PLS3: variants seen among roughly 807,000 people sequenced by gnomAD.
PLS3 encodes the protein plastin 3, also known as plastin-3.
Under a neutral mutation model 46.5 loss-of-function variants are expected in PLS3, and 11 were observed. The ratio of observed to expected loss-of-function variants is 0.24; its 90% CI spans 0.15 to 0.39. PLS3 has a LOEUF of 0.39. Among genes scored for constraint, PLS3 ranks in the 10% least tolerant of loss-of-function variants. The pLI is 1.00. For synonymous variants in PLS3, 167 were observed against 162.2 expected, an observed-to-expected ratio of 1.03 and a Z score of -0.22; for missense variants, 308 against 461.8, an observed-to-expected ratio of 0.67 and a Z score of 3.05.
At chrX:115,624,090 G>A (rs782032948) in intron 3 of PLS3, among the ~76,000 whole-genome samples, 1 of 109,878 alleles carries the variant, frequency 9.1e-6, no homozygotes, top group Non-Finnish European at 1.9e-5. Context: ...CTATCTGGGC[G>A]TGGTGGTGCG....
intron 1 of PLS3, among the ~76,000 whole-genome samples, chrX:115,598,620 AAAAAAT>A (rs1556634168): frequency 8.9e-6 from 1 of 112,440 alleles, no homozygotes; most frequent in East Asian, 2.8e-4. Flanking sequence ...ATCTTGAAAG[AAAAAAT>A]TTTTAAATGA....
Position 115,629,291 on chromosome X carries a change from G to A in PLS3, c.331G>A (p.Glu111Lys). The A allele has an allele frequency of 8.3e-7, 1 of 1,205,868 alleles. No individual in the cohort carries two copies. Among genetic ancestry groups the A allele is most frequent in the Non-Finnish European group, 1.1e-6 (1 of 891,172 alleles). ...EGICALGGTS[E>K]LSSEGTQHSY... Reference sequence around the variant, plus strand: ...TATTTGTGCTCTGGGTGGAACTTCAGAGTTGTCCAGCGAAGGAACACAGCA... The same window carrying A: ...TATTTGTGCTCTGGGTGGAACTTCAAAGTTGTCCAGCGAAGGAACACAGCA... The change falls in exon 4 of 16, where the codon GAG becomes AAG. Residue 111 changes from glutamate (E) to lysine (K), a missense_variant. Glu to Lys is a moderately conservative substitution (Grantham distance 56, BLOSUM62 1). Coordinates refer to ENST00000355899, the MANE Select transcript of PLS3 (RefSeq NM_005032.7).
chrX:115,635,888 G>A (rs782345914), intron 7 of PLS3, among the ~76,000 whole-genome samples: 1 of 108,437 alleles, frequency 9.2e-6, no homozygotes, highest in South Asian at 4.2e-4. Context: ...TAGTCAGGAG[G>A]CTGAGGCAGG....
chrX:115,607,873 AATAGCATCATATGGTCATTTTAAAACTT>A (rs1556635577), intron 1 of PLS3, among the ~76,000 whole-genome samples: 1 of 112,013 alleles, frequency 8.9e-6, no homozygotes. Context: ...AAACTTAGCT[AATAGCATCATATGGTCATTTTAAAACTT>A]CTCCAGGATT....
chrX:115,614,290 C>G, intron 2 of PLS3: 2 of 751,286 alleles, frequency 2.7e-6, no homozygotes, highest in Non-Finnish European at 3.1e-6. Context: ...ATTTTTAAAA[C>G]GAGAGTTGCA....
At chrX:115,569,632 T>C (rs1281632867) in intron 1 of PLS3, among the ~76,000 whole-genome samples, 2 of 111,905 alleles carry the variant, frequency 1.8e-5, no homozygotes, top group Non-Finnish European at 3.8e-5. Context: ...AATTTACAAA[T>C]ATTTTGTGTA....
intron 3 of PLS3, among the ~76,000 whole-genome samples, chrX:115,625,306 T>C (rs1233566804): frequency 9.0e-6 from 1 of 110,778 alleles, no homozygotes; most frequent in Non-Finnish European, 1.9e-5. Flanking sequence ...CAGAGAAATG[T>C]CTGTGTGTGT....
intron 1 of PLS3, among the ~76,000 whole-genome samples, chrX:115,573,395 A>G (rs904561863): frequency 8.9e-6 from 1 of 112,418 alleles, no homozygotes; most frequent in Non-Finnish European, 1.9e-5. Flanking sequence ...GGAATAAAAT[A>G]GCCCTTTGGC....
intron 1 of PLS3, among the ~76,000 whole-genome samples, chrX:115,599,131 A>G (rs1026582909): frequency 1.8e-5 from 2 of 109,991 alleles, no homozygotes; most frequent in Non-Finnish European, 3.8e-5. Context: ...TTATTTTCCA[A>G]AGGCTATATA....
intron 1 of PLS3, among the ~76,000 whole-genome samples, chrX:115,570,894 CTTTTTTTTT>C (rs369920378): frequency 1.9e-4 from 16 of 84,334 alleles, no homozygotes; most frequent in Admixed American, 2.6e-4. Flanking sequence ...TTAATTTATT[CTTTTTTTTT>C]TTTTTTTTTT....
chrX:115,598,703 A>G (rs2074412682), intron 1 of PLS3, among the ~76,000 whole-genome samples: 2 of 112,230 alleles, frequency 1.8e-5, no homozygotes, highest in Middle Eastern at 4.6e-3. Flanking sequence ...CACTGATACA[A>G]TGGGAGTGGT....
chrX:115,637,695 C>T (rs998654114), intron 8 of PLS3, among the ~76,000 whole-genome samples: 3 of 111,661 alleles, frequency 2.7e-5, no homozygotes, highest in African/African-American at 9.8e-5. Flanking sequence ...TTAACTGCCT[C>T]AATTCTGTGT....
intron 1 of PLS3, chrX:115,593,460 A>T (rs2074359422): frequency 9.0e-6 from 1 of 111,338 alleles, no homozygotes; most frequent in Admixed American, 9.6e-5. Context: ...TAAGTATTGT[A>T]TCATTCTTTT....
At chrX:115,575,058 G>C (rs1331044730) in intron 1 of PLS3, among the ~76,000 whole-genome samples, 1 of 111,525 alleles carries the variant, frequency 9.0e-6, no homozygotes, top group African/African-American at 3.3e-5. Flanking sequence ...TGTCTCCATT[G>C]AGTTCCCTGT....
At chrX:115,647,710 G>T (rs2074966977) in intron 14 of PLS3, 37 bp downstream of exon 14, 4 of 1,173,408 alleles carry the variant, frequency 3.4e-6, no homozygotes, top group Non-Finnish European at 4.6e-6. Context: ...TATTATGTTT[G>T]CTGGATAACA....
chrX:115,591,095 C>T (rs1472847188), intron 1 of PLS3, among the ~76,000 whole-genome samples: 5 of 109,372 alleles, frequency 4.6e-5, no homozygotes, highest in South Asian at 7.9e-4. Flanking sequence ...GCCACGATCC[C>T]GCCACTACAC....
At chrX:115,624,706 G>A (rs995714487) in intron 3 of PLS3, among the ~76,000 whole-genome samples, 44 of 111,889 alleles carry the variant, frequency 3.9e-4, no homozygotes, top group Non-Finnish European at 4.7e-4. Context: ...TAAGGGAGGA[G>A]GTGTGATTAC....
intron 1 of PLS3, among the ~76,000 whole-genome samples, chrX:115,583,362 A>G (rs1408799004): frequency 4.4e-5 from 5 of 112,765 alleles, no homozygotes; most frequent in Non-Finnish European, 9.4e-5. Flanking sequence ...ATTAATTTGT[A>G]TTGTGTTTTG....
chrX:115,582,217 T>C (rs1158855195), intron 1 of PLS3, among the ~76,000 whole-genome samples: 1 of 112,362 alleles, frequency 8.9e-6, no homozygotes, highest in Admixed American at 9.5e-5. Flanking sequence ...CTTTAGCCAA[T>C]TTCTGAGGTA....
Sources: gnomAD v4.1 joint callset for allele counts (sites outside exome capture counted in the v4.1 genomes callset) on GRCh38, gnomAD v4.1.1 for gene constraint, MANE v1.5 for transcripts, NCBI Gene and HGNC (gene_info 2026-07-23, HGNC 2026-07-21) for gene names.